WDFY3: variants seen among roughly 807,000 people sequenced by gnomAD.
WDFY3 encodes WD repeat and FYVE domain containing 3, also known as WD repeat and FYVE domain-containing protein 3.
WDFY3 carries 66 observed loss-of-function variants against 409.6 expected under a neutral mutation model. That is an observed-to-expected ratio of 0.16 (90% CI 0.13 to 0.20). WDFY3 has a LOEUF of 0.20. Ranked by LOEUF, WDFY3 falls within the 10% of genes least tolerant of loss-of-function variation. The pLI is 1.00. For synonymous variants in WDFY3, 1,521 were observed against 1,537.1 expected (o/e 0.99, Z 0.25); for missense variants, 3,031 against 4,298.1 (o/e 0.71, Z 8.24).
rs141709914 is a variant in WDFY3 at position 84,726,879 on chromosome 4, G to A, written c.7254C>T (p.Pro2418=). ...SEIPSKQPET[P]DDIPQKKPAR... The stretch of plus-strand genomic sequence containing the variant: ...GTTTTACCTTTTGAGGAATATCATC[G>A]GGTGTCTCAGGCTGTTTACTTGGGA... Residue 2418 remains proline, a synonymous_variant, in exon 45 of 68, where the codon CCC becomes CCT. Coordinates refer to ENST00000295888, the MANE Select transcript of WDFY3 (RefSeq NM_014991.6). 81 of 1,607,884 alleles carry A rather than the reference G, an allele frequency of 5.0e-5. No homozygotes were observed. Among genetic ancestry groups the A allele is most frequent in the Non-Finnish European group, 3.8e-5 (45 of 1,178,058 alleles).
Position 84,820,085 on chromosome 4 carries a change from C to G in WDFY3, c.1693G>C (p.Gly565Arg). The change falls in exon 12 of 68, where the codon GGA becomes CGA. Residue 565 changes from glycine to arginine, a missense_variant and splice_region_variant. Coordinates refer to ENST00000295888, the MANE Select transcript of WDFY3 (RefSeq NM_014991.6). ...VLLQGSNTNAGIFREFGGARC... is the reference protein window; with the variant it reads ...VLLQGSNTNARIFREFGGARC... ...ATTTGCTTGCAGCTTTTTAAATTAC[C>G]TGCATTTGTGTTTGATCCTTGAAGA... The G allele has an allele frequency of 6.3e-7, 1 of 1,594,306 alleles. No individual in the cohort carries two copies. Among genetic ancestry groups the G allele is most frequent in the South Asian group, 1.1e-5 (1 of 87,460 alleles).
chr4:84,898,218 T>A (rs961837977), intron 2 of WDFY3, among the ~76,000 whole-genome samples: 5 of 152,210 alleles, frequency 3.3e-5, no homozygotes, highest in Non-Finnish European at 7.3e-5. Context: ...ATAAAACATT[T>A]TAATTGTCAC....
At position 84,918,462 on chromosome 4, in the gene WDFY3, G is replaced by GA. The variant is rs1231118342; in HGVS notation, c.-132+13807dup. On this transcript the variant is annotated intron_variant, in intron 2 of 67. Coordinates refer to ENST00000295888, the MANE Select transcript of WDFY3 (RefSeq NM_014991.6). ...AGACAATATGCTATCTTTTGTGTTG[G>GA]AAAAAAGGAGAAATAAGAAAACACA... 2.6e-5 allele frequency among the ~76,000 whole-genome samples: 4 copies of GA among 151,894 alleles called. No individual in the cohort carries two copies. In the East Asian group the frequency reaches 7.7e-4, roughly 29 times the overall value.
chr4:84,739,240 A>G, intron 39 of WDFY3, 121 bp from the exon 40 acceptor site: 3 of 937,082 alleles, frequency 3.2e-6, no homozygotes, highest in Non-Finnish European at 4.8e-6. Flanking sequence ...GCAGATGCAC[A>G]GAACAGAATT....
In WDFY3 at chr4:84,818,439, G is replaced by A. The variant is rs111595630; in HGVS notation, c.1694-854C>T. Among the ~76,000 whole-genome samples the A allele has an allele frequency of 4.2e-3, 640 of 152,196 alleles. 2 individuals are homozygous for A. The highest frequency in any genetic ancestry group is 0.013 in the African/African-American group (556 of 41,540). ...AAACAGTCTTACTATTATTGCTTAT[G>A]TTTGGTCTTCCATGACTACTGGATT... On this transcript the variant is annotated intron_variant, in intron 12 of 67. Transcript: ENST00000295888.
intron 5 of WDFY3, among the ~76,000 whole-genome samples, chr4:84,845,831 C>A (rs1344849384): frequency 6.6e-6 from 1 of 151,624 alleles, no homozygotes; most frequent in African/African-American, 2.4e-5. Flanking sequence ...GGAGACACTC[C>A]AGAATTATGT....
At chr4:84,674,483 C>T (rs1463294837) in intron 67 of WDFY3, among the ~76,000 whole-genome samples, 1 of 151,786 alleles carries the variant, frequency 6.6e-6, no homozygotes, top group Non-Finnish European at 1.5e-5. Context: ...GGTGGGAGGA[C>T]TGCTTGAGCC....
chr4:84,702,392 A>G lies in WDFY3; in HGVS notation c.8557T>C (p.Leu2853=). ...VKELIPEFFY[L]PEFLFNSNNF... ...TTGGAATTGAACAGGAATTCTGGTA[A>G]ATAAAAGAACTCTGGGATAAGTTCT... The change falls in exon 56 of 68, where the codon TTA becomes CTA. Residue 2853 remains leucine, a synonymous_variant. Transcript: ENST00000295888. 2 of 1,613,390 alleles carry G rather than the reference A, an allele frequency of 1.2e-6. No individual in the cohort carries two copies. Among genetic ancestry groups the G allele is most frequent in the Admixed American group, 1.7e-5 (1 of 59,772 alleles).
At chr4:84,934,415 AAG>A (rs1328645270) in intron 1 of WDFY3, among the ~76,000 whole-genome samples, 7 of 152,176 alleles carry the variant, frequency 4.6e-5, no homozygotes, top group Non-Finnish European at 7.4e-5. Flanking sequence ...GGTAGTTTCT[AAG>A]AAATATCCTG....
chr4:84,752,919 CCT>C (rs1740787490), intron 35 of WDFY3, among the ~76,000 whole-genome samples: 4 of 152,048 alleles, frequency 2.6e-5, no homozygotes, highest in Admixed American at 2.6e-4. Context: ...GTGATAAGCC[CCT>C]GCTATATGGT....
At chr4:84,741,628 T>C in intron 38 of WDFY3, 133 bp downstream of exon 38, 1 of 1,134,320 alleles carries the variant, frequency 8.8e-7, no homozygotes, top group South Asian at 2.0e-5. Flanking sequence ...CTCTATTCAC[T>C]TTTAATAAGC....
chr4:84,672,182 AT>A lies in WDFY3; in HGVS notation c.*685del, dbSNP rs1725533257. ...CTGTTTCCTAAAGAAGGTCCACATT[AT>A]TTTGGTTACTAGCCTAGTTTAAGTG... On this transcript the variant is annotated 3_prime_UTR_variant, in exon 68 of 68. Coordinates refer to ENST00000295888, the MANE Select transcript of WDFY3 (RefSeq NM_014991.6). The A allele has an allele frequency of 6.6e-6, 1 of 152,210 alleles. No individual in the cohort carries two copies. Among genetic ancestry groups the A allele is most frequent in the Non-Finnish European group, 1.5e-5 (1 of 68,038 alleles). 9.4% of individuals were successfully genotyped at this position (152,210 alleles called of 1,614,324 possible).
At chr4:84,937,753 C>A (rs1200241189) in intron 1 of WDFY3, among the ~76,000 whole-genome samples, 1 of 152,030 alleles carries the variant, frequency 6.6e-6, no homozygotes, top group South Asian at 2.1e-4. Flanking sequence ...CCCCTATTAC[C>A]CCTGACTTCA....
intron 67 of WDFY3, among the ~76,000 whole-genome samples, chr4:84,676,804 T>C (rs552265824): frequency 1.4e-4 from 22 of 152,210 alleles, no homozygotes; most frequent in East Asian, 1.9e-4. Context: ...AACACCAAAA[T>C]AGTATGATGT....
rs575607570 is a variant in WDFY3 at position 84,933,131 on chromosome 4, C to A, written c.-225-768G>T. Among the ~76,000 whole-genome samples, 5 of 152,244 alleles carry A rather than the reference C, an allele frequency of 3.3e-5. No individual in the cohort carries two copies. The South Asian group carries it at 1.0e-3, about 32-fold the overall frequency. On this transcript the variant is annotated intron_variant, in intron 1 of 67. Coordinates refer to ENST00000295888, the MANE Select transcript of WDFY3 (RefSeq NM_014991.6). ...TCTAAAATGTTATACCAAAGAATAG[C>A]ATCATCTTTAATGACATTCGCCTTT...
At chr4:84,806,662 A>T (rs1206417822) in intron 15 of WDFY3, among the ~76,000 whole-genome samples, 1 of 152,168 alleles carries the variant, frequency 6.6e-6, no homozygotes, top group African/African-American at 2.4e-5. Context: ...GCTGGAGTGC[A>T]GTGCGGTGAT....
chr4:84,906,809 T>A (rs374275091), intron 2 of WDFY3, among the ~76,000 whole-genome samples: 6 of 151,118 alleles, frequency 4.0e-5, no homozygotes, highest in African/African-American at 1.5e-4. Context: ...CCATCGTTAG[T>A]GCTGGTATAT....
intron 1 of WDFY3, among the ~76,000 whole-genome samples, chr4:84,964,074 G>A (rs1035598115): frequency 3.3e-5 from 5 of 152,146 alleles, no homozygotes; most frequent in African/African-American, 1.2e-4. Flanking sequence ...TTGAGAATGT[G>A]ATCACCCAAC....
chr4:84,756,680 TATC>T (rs1741520398), intron 33 of WDFY3, among the ~76,000 whole-genome samples: 1 of 151,938 alleles, frequency 6.6e-6, no homozygotes. Context: ...CACCATTAAA[TATC>T]ATCCAGAGTC....
Sources: gnomAD v4.1 joint callset for allele counts (sites outside exome capture counted in the v4.1 genomes callset) on GRCh38, gnomAD v4.1.1 for gene constraint, MANE v1.5 for transcripts, NCBI Gene and HGNC (gene_info 2026-07-23, HGNC 2026-07-21) for gene names.